Variants in PTCH1 observed in about 807,000 individuals in gnomAD.
PTCH1 encodes patched 1.
In PTCH1, 14 loss-of-function variants were observed where a neutral mutation model predicts 144.6. The ratio of observed to expected loss-of-function variants is 0.10; its 90% CI spans 0.06 to 0.15. PTCH1 has a LOEUF of 0.15. Among genes scored for constraint, PTCH1 ranks in the 10% least tolerant of loss-of-function variants. The pLI, the probability that PTCH1 is intolerant of heterozygous loss-of-function variation, is 1.00. For synonymous variants in PTCH1, 833 were observed against 793.6 expected (o/e 1.05, Z -0.83); for missense variants, 1,623 against 1,948.3 (o/e 0.83, Z 3.14).
rs969912139 is a variant in PTCH1, at chr9:95,515,855, C to T, written c.3+614G>A. Among the ~76,000 whole-genome samples the T allele has an allele frequency of 2.0e-5, 3 of 152,172 alleles. No individual in the cohort carries two copies. The East Asian group carries it at 5.8e-4, about 30-fold the overall frequency. Reference sequence around the variant, plus strand: ...GGGAGGTGGGTAAGGTGCGTCTCTTCTAGCCCGGGTGTCCCGCACCCCTAG... The same window carrying T: ...GGGAGGTGGGTAAGGTGCGTCTCTTTTAGCCCGGGTGTCCCGCACCCCTAG... On this transcript the variant is annotated intron_variant, in intron 1 of 22. Coordinates refer to the PTCH1 transcript ENST00000430669.
chr9:95,507,355 G>A (rs756657717), intron 1 of PTCH1: 14 of 985,354 alleles, frequency 1.4e-5, no homozygotes, highest in Non-Finnish European at 1.7e-5. Flanking sequence ...GCTGCTCCCC[G>A]GCGCGGCATT....
intron 1 of PTCH1, chr9:95,516,328 C>G: frequency 4.0e-6 from 2 of 501,424 alleles, no homozygotes; most frequent in Non-Finnish European, 5.2e-6. Flanking sequence ...GCGCGCGGCC[C>G]GCCCCTCCTG....
chr9:95,516,724 A>G, exon 1 of PTCH1: 1 of 1,612,916 alleles, frequency 6.2e-7, no homozygotes, highest in Non-Finnish European at 8.5e-7. Context: ...AAGGAACGGA[A>G]AGTGTAAAAA....
In PTCH1 at chr9:95,476,718, T is replaced by C. The variant is rs374742764; in HGVS notation, c.1602+41A>G. The C allele has an allele frequency of 1.1e-5, 17 of 1,563,094 alleles. No homozygotes were observed. The African/African-American group carries it at 2.0e-4, about 19-fold the overall frequency. On this transcript the variant is annotated intron_variant, in intron 11 of 23. Transcript: ENST00000331920. This position sits in a 1 kb window ranked among gnomAD's most constrained non-coding sequence, Gnocchi z 4.6. ...ACAAATACTTAGGAACAGAGGAAGC[T>C]GTGATGTCCCCAAAGCTCTCTTCTT...
Position 95,456,378 on chromosome 9 carries a change from G to A in PTCH1, c.3204C>T (p.Phe1068=), listed in dbSNP as rs762419846. ...TGATTCCGATGAGGCCCATCATGCC[G>A]AACAGCTCGACCGTCATCAGCGCCA... is the stretch of plus-strand genomic sequence containing the variant. ...MVLALMTVEL[F]GMMGLIGIKL... Residue 1068 remains phenylalanine, a synonymous_variant, in exon 19 of 24, where the codon TTC becomes TTT. Coordinates refer to ENST00000331920, the MANE Select transcript of PTCH1 (RefSeq NM_000264.5). 30 of 1,613,906 alleles carry A rather than the reference G, an allele frequency of 1.9e-5. No homozygotes were observed. The highest frequency in any genetic ancestry group is 3.3e-4 in the Middle Eastern group (2 of 6,084).
At chr9:95,465,272 T>A (rs1839898994) in intron 15 of PTCH1, among the ~76,000 whole-genome samples, 1 of 152,064 alleles carries the variant, frequency 6.6e-6, no homozygotes, top group Non-Finnish European at 1.5e-5. Context: ...GACACTGAAA[T>A]ACACTCTACA....
At position 95,446,931 on chromosome 9, in the gene PTCH1, C is replaced by T. The variant is rs56023271; in HGVS notation, c.4325G>A (p.Arg1442Gln). Reference protein sequence around the residue: ...LQDVECEERPRGSSSN With the variant: ...LQDVECEERPQGSSSN Reference sequence around the variant, plus strand: ...CTCACCTCAGTTGGAGCTGCTTCCCCGGGGCCTCTCCTCGCATTCCACGTC... The same window carrying T: ...CTCACCTCAGTTGGAGCTGCTTCCCTGGGGCCTCTCCTCGCATTCCACGTC... The change falls in exon 23 of 24, where the codon CGG becomes CAG. Residue 1442 changes from arginine (R) to glutamine (Q), a missense_variant. Coordinates refer to ENST00000331920, the MANE Select transcript of PTCH1 (RefSeq NM_000264.5). 6.9e-4 allele frequency: 1,119 copies of T among 1,614,106 alleles called. 4 individuals are homozygous for T. The East Asian group carries it at 0.014, about 19-fold the overall frequency.
Position 95,506,618 on chromosome 9 carries a change from GGA to G in PTCH1, c.202-21_202-20del. ...CCTTCCCCTGGGGACGAAGCAGAAG[GGA>G]GGAGTGAGCGCCGGGGAGTCGCGGC... On this transcript the variant is annotated intron_variant, in intron 1 of 23. Coordinates refer to ENST00000331920, the MANE Select transcript of PTCH1 (RefSeq NM_000264.5). 6.3e-7 allele frequency: 1 copy of G among 1,584,144 alleles called. No individual in the cohort carries two copies. Among genetic ancestry groups the G allele is most frequent in the Non-Finnish European group, 8.6e-7 (1 of 1,164,264 alleles).
At position 95,485,068 on chromosome 9, in the gene PTCH1, T is replaced by C. The variant is rs538194320; in HGVS notation, c.584+617A>G. On this transcript the variant is annotated intron_variant, in intron 3 of 23. Transcript: ENST00000331920. ...TGAAAATACAAAAATTAGCCAGGTG[T>C]GGTGGTGGGCGCCTCTAGCCCCAGC... 6.6e-5 allele frequency among the ~76,000 whole-genome samples: 10 copies of C among 152,068 alleles called. No homozygotes were observed. The South Asian group carries it at 1.9e-3, about 29-fold the overall frequency.
chr9:95,485,927 G>A (rs2118554478), intron 2 of PTCH1, 53 bp from the exon 3 acceptor site: 1 of 1,590,000 alleles, frequency 6.3e-7, no homozygotes, highest in Non-Finnish European at 8.6e-7. Flanking sequence ...GCAAACTCAT[G>A]TTTTATCTGT....
chr9:95,508,061 G>C, intron 1 of PTCH1, 100 bp downstream of exon 1: 1 of 1,568,300 alleles, frequency 6.4e-7, no homozygotes, highest in Non-Finnish European at 8.6e-7. Flanking sequence ...GTGTGTGTGA[G>C]AGAGAGAGGA....
At chr9:95,479,362 T>C (rs1021944601) in intron 7 of PTCH1, among the ~76,000 whole-genome samples, 1 of 152,190 alleles carries the variant, frequency 6.6e-6, no homozygotes, top group Non-Finnish European at 1.5e-5. Context: ...CTTTTACAGA[T>C]ATACCCCAAA....
intron 2 of PTCH1, among the ~76,000 whole-genome samples, chr9:95,491,019 A>G (rs1214451048): frequency 1.3e-5 from 2 of 152,224 alleles, no homozygotes; most frequent in Non-Finnish European, 2.9e-5. Flanking sequence ...AATAATACTA[A>G]TAAACTATAA....
rs201605273 is a variant in PTCH1, at chr9:95,453,581, C to G, written c.3346G>C (p.Val1116Leu). 5 of 1,614,092 alleles carry G rather than the reference C, an allele frequency of 3.1e-6. No individual in the cohort carries two copies. In the East Asian group the frequency reaches 6.7e-5, roughly 22 times the overall value. The change falls in exon 20 of 24, where the codon GTG (valine) becomes CTG (leucine). Residue 1116 changes from valine (V) to leucine (L), a missense_variant. Physicochemically the swap from Val to Leu is conservative, Grantham distance 32 (BLOSUM62 1). This residue lies in a region of PTCH1 where 504 missense variants were observed against 679.3 expected (regional missense o/e 0.74). Transcript: ENST00000331920. ...TAIGDKNRRA[V>L]LALEHMFAPV... ...GCAAACATGTGCTCCAGGGCAAGCA[C>G]AGCCCTGCGGTTCTTGTCGCCGATG...
intron 20 of PTCH1, chr9:95,452,603 T>C (rs939178139): frequency 5.9e-5 from 9 of 152,232 alleles, no homozygotes; most frequent in African/African-American, 7.2e-5. Flanking sequence ...ACTGTTCTTT[T>C]ATATTTCACA....
intron 6 of PTCH1, 68 bp downstream of exon 6, chr9:95,480,322 A>G (rs2118406752): frequency 6.4e-7 from 1 of 1,571,922 alleles, no homozygotes; most frequent in Non-Finnish European, 8.7e-7. Flanking sequence ...AATAAAGTGA[A>G]CGATGAATGG....
At chr9:95,474,324 G>A (rs963506107) in intron 12 of PTCH1, among the ~76,000 whole-genome samples, 7 of 152,006 alleles carry the variant, frequency 4.6e-5, no homozygotes, top group African/African-American at 1.4e-4. Context: ...CCGGCTGCAC[G>A]TGAAATGAGA....
In PTCH1 at chr9:95,454,963, G is replaced by A. The variant is rs571831226; in HGVS notation, c.3306+1313C>T. ...CTTCCAAAAAAGGTGGTTTCCATTT[G>A]CATCAGAATAAAATAACTTATGGAT... On this transcript the variant is annotated intron_variant, in intron 19 of 23. Transcript: ENST00000331920. Among the ~76,000 whole-genome samples the A allele has an allele frequency of 2.6e-5, 4 of 152,282 alleles. No individual in the cohort carries two copies. The South Asian group carries it at 8.3e-4, about 32-fold the overall frequency.
At chr9:95,462,769 G>C (rs928270474) in intron 15 of PTCH1, among the ~76,000 whole-genome samples, 31 of 152,244 alleles carry the variant, frequency 2.0e-4, no homozygotes, top group African/African-American at 7.5e-4. Context: ...CCACAAGCCG[G>C]GGAGGGGGAG....
Sources: allele counts gnomAD v4.1 joint callset (sites outside exome capture counted in the v4.1 genomes callset), GRCh38; gene constraint gnomAD v4.1.1; regional missense constraint gnomAD v4.1.1; non-coding constraint Gnocchi (gnomAD v3.1); transcripts MANE v1.5; gene names NCBI Gene and HGNC (gene_info 2026-07-23, HGNC 2026-07-21).